Variants in TRPM1 observed in about 807,000 individuals in gnomAD.
The protein encoded by TRPM1 is transient receptor potential cation channel subfamily M member 1, also known as TRPM1-203 APA Isoform, Intron 10.
In TRPM1, 113 loss-of-function variants were observed where a neutral mutation model predicts 149.4. The observed-to-expected ratio is 0.76, with a 90% confidence interval of 0.65 to 0.88. The LOEUF (loss-of-function observed/expected upper bound fraction) is 0.88. Among genes scored for constraint, TRPM1 ranks in the 40% least tolerant of loss-of-function variants. The pLI is 0.00. For missense variants in TRPM1, 1,976 were observed against 2,038.7 expected (o/e 0.97, Z 0.59); for synonymous variants, 741 against 759.5 (o/e 0.98, Z 0.40).
intron 9 of TRPM1, 52 bp from the exon 10 acceptor site, chr15:31,061,566 T>C (rs772532631): frequency 1.0e-5 from 15 of 1,491,944 alleles, no homozygotes; most frequent in Non-Finnish European, 1.4e-5. Flanking sequence ...AAGAAGGAGA[T>C]ATGGGGTGTT....
At chr15:31,092,494 C>T (rs1339403944) in intron 1 of TRPM1, among the ~76,000 whole-genome samples, 1 of 152,198 alleles carries the variant, frequency 6.6e-6, no homozygotes, top group Non-Finnish European at 1.5e-5. Context: ...CCCTGTCCCT[C>T]ATTACTCAGG....
intron 1 of TRPM1, among the ~76,000 whole-genome samples, chr15:31,136,619 G>A (rs1405518607): frequency 6.6e-6 from 1 of 152,118 alleles, no homozygotes; most frequent in African/African-American, 2.4e-5. Context: ...TGATAATAAA[G>A]TTCCCTCTGT....
At chr15:31,128,776 C>T (rs1305316186) in intron 1 of TRPM1, among the ~76,000 whole-genome samples, 2 of 152,248 alleles carry the variant, frequency 1.3e-5, no homozygotes, top group South Asian at 2.1e-4. Flanking sequence ...GGGGCCCTGC[C>T]ATCAGAAACC....
chr15:31,057,022 A>G (rs933470052), intron 11 of TRPM1, among the ~76,000 whole-genome samples: 5 of 152,328 alleles, frequency 3.3e-5, no homozygotes, highest in African/African-American at 1.2e-4. Context: ...GAAAGGGAGG[A>G]AGACATGGGG....
chr15:31,076,845 G>A, intron 3 of TRPM1, 60 bp downstream of exon 3: 2 of 1,313,048 alleles, frequency 1.5e-6, no homozygotes, highest in Non-Finnish European at 2.2e-6. Flanking sequence ...TTACAAACAT[G>A]AGAATAGTGG....
At chr15:31,044,774 C>T (rs1400817899) in intron 16 of TRPM1, among the ~76,000 whole-genome samples, 1 of 125,144 alleles carries the variant, frequency 8.0e-6, no homozygotes, top group East Asian at 2.0e-4. Context: ...GAGTGAGACT[C>T]CTACTCAAAA....
chr15:31,115,565 T>C (rs1032639636), intron 1 of TRPM1, among the ~76,000 whole-genome samples: 1 of 152,128 alleles, frequency 6.6e-6, no homozygotes, highest in Non-Finnish European at 1.5e-5. Flanking sequence ...CTAGCTTAGA[T>C]GGTAAAGGTT....
In TRPM1 at chr15:31,026,204, G is replaced by A. The variant is rs748501817; in HGVS notation, c.3564C>T (p.His1188=). Residue 1188 remains histidine (H), a synonymous_variant, in exon 27 of 28, where the codon CAC becomes CAT. Transcript: ENST00000256552. The stretch of plus-strand genomic sequence containing the variant: ...GCTGCTCATCCTCCTTCTCCCGGAA[G>A]TGCTCCTGCACGCACTGCTCCTCGA... ...HEFEEQCVQE[H]FREKEDEQQS... 2.5e-5 allele frequency: 41 copies of A among 1,612,560 alleles called. No homozygotes were observed. Among genetic ancestry groups the A allele is most frequent in the Non-Finnish European group, 3.5e-5 (41 of 1,180,034 alleles).
At chr15:31,004,121 G>C (rs952439010) in intron 27 of TRPM1, among the ~76,000 whole-genome samples, 5 of 152,046 alleles carry the variant, frequency 3.3e-5, no homozygotes, top group African/African-American at 1.2e-4. Flanking sequence ...CAAACACTTA[G>C]GTCTGATTCC....
At chr15:31,088,433 G>A (rs1156307795) in intron 1 of TRPM1, among the ~76,000 whole-genome samples, 2 of 152,178 alleles carry the variant, frequency 1.3e-5, no homozygotes, top group East Asian at 1.9e-4. Context: ...ACCTTTAAGA[G>A]CTGTAACACT....
chr15:31,106,259 C>A (rs578150513), upstream of TRPM1, among the ~76,000 whole-genome samples: 5 of 151,774 alleles, frequency 3.3e-5, no homozygotes, highest in African/African-American at 1.2e-4. Flanking sequence ...CTGCCTTAGC[C>A]TTGCAAATAG....
chr15:31,045,856 G>A (rs184949993), intron 16 of TRPM1, among the ~76,000 whole-genome samples: 121 of 152,268 alleles, frequency 7.9e-4, no homozygotes, highest in African/African-American at 2.7e-3. Flanking sequence ...CATTCTTGGA[G>A]GACTCTACTT....
At chr15:31,098,527 TTGGC>T (rs1487060429) in intron 1 of TRPM1, among the ~76,000 whole-genome samples, 37 of 152,194 alleles carry the variant, frequency 2.4e-4, no homozygotes, top group Non-Finnish European at 5.9e-5. Context: ...AGGACTTCAC[TTGGC>T]TCTTCTGTGG....
At chr15:31,105,436 TG>T (rs2035589762), upstream of TRPM1, among the ~76,000 whole-genome samples, 4 of 4,450 alleles carry the variant, frequency 9.0e-4, no homozygotes, top group Non-Finnish European at 2.5e-3. Flanking sequence ...TGTGTGTCTC[TG>T]TGTGTGTGTG....
intron 1 of TRPM1, chr15:31,160,811 C>T (rs577114196): frequency 5.6e-5 from 78 of 1,396,536 alleles, no homozygotes; most frequent in African/African-American, 2.0e-4. Flanking sequence ...GGACAGGACC[C>T]GCTGGGCCAG....
intron 1 of TRPM1, among the ~76,000 whole-genome samples, chr15:31,144,206 G>A (rs553629627): frequency 2.9e-4 from 44 of 152,264 alleles, no homozygotes; most frequent in African/African-American, 1.0e-3. Flanking sequence ...CTGGGAGGCC[G>A]AGATGAGCCA....
At chr15:31,139,840 G>C (rs2036136507) in intron 1 of TRPM1, among the ~76,000 whole-genome samples, 1 of 152,170 alleles carries the variant, frequency 6.6e-6, no homozygotes, top group Non-Finnish European at 1.5e-5. Flanking sequence ...TGTTAAGAAT[G>C]AGTAAATTAT....
intron 2 of TRPM1, among the ~76,000 whole-genome samples, chr15:31,080,107 G>T (rs193104610): frequency 2.6e-5 from 4 of 152,216 alleles, no homozygotes; most frequent in Admixed American, 2.6e-4. Context: ...AACGCACAGG[G>T]GAGGGAGAAA....
At chr15:31,117,665 TAC>T (rs56686910) in intron 1 of TRPM1, among the ~76,000 whole-genome samples, 12,736 of 135,874 alleles carry the variant, frequency 0.094, 703 homozygotes, top group Non-Finnish European at 0.13. Context: ...AAAAAAAAAA[TAC>T]ACACACACAC....
Sources: gnomAD v4.1 joint callset for allele counts (sites outside exome capture counted in the v4.1 genomes callset) on GRCh38, gnomAD v4.1.1 for gene constraint, MANE v1.5 for transcripts, NCBI Gene and HGNC (gene_info 2026-07-23, HGNC 2026-07-21) for gene names.